Variants in CYYR1 observed in about 807,000 individuals in gnomAD.
The protein encoded by CYYR1 is cysteine and tyrosine-rich protein 1.
Under a neutral mutation model 15.2 loss-of-function variants are expected in CYYR1, and 14 were observed. That is an observed-to-expected ratio of 0.92 (90% CI 0.61 to 1.44). The LOEUF (loss-of-function observed/expected upper bound fraction) is 1.44, where lower values mean the gene tolerates loss of function less well. Ranked by LOEUF, CYYR1 falls within the 40% of genes most tolerant of loss-of-function variation. CYYR1 has a pLI of 0.00. For synonymous variants in CYYR1, 80 were observed against 77.4 expected (o/e 1.03, Z -0.18); for missense variants, 228 against 209.5 (o/e 1.09, Z -0.54).
intron 2 of CYYR1, among the ~76,000 whole-genome samples, chr21:26,549,089 A>T (rs1979189172): frequency 4.6e-5 from 7 of 152,198 alleles, no homozygotes. Context: ...CCTTTAAATC[A>T]GACCGTTGAC....
intron 3 of CYYR1, among the ~76,000 whole-genome samples, chr21:26,477,044 G>T (rs950562978): frequency 1.3e-5 from 2 of 152,246 alleles, no homozygotes. Flanking sequence ...ACAGCTGAAT[G>T]ACACTGTTTT....
intron 2 of CYYR1, among the ~76,000 whole-genome samples, chr21:26,563,877 AC>A (rs1335248929): frequency 1.3e-5 from 2 of 152,230 alleles, no homozygotes; most frequent in African/African-American, 4.8e-5. Flanking sequence ...AACTGAGCAA[AC>A]ATTTTTATTT....
At chr21:26,503,232 G>A (rs916829611) in intron 2 of CYYR1, among the ~76,000 whole-genome samples, 1 of 152,178 alleles carries the variant, frequency 6.6e-6, no homozygotes, top group Admixed American at 6.5e-5. Flanking sequence ...TTTGGAACCT[G>A]TTCCTGAGTG....
chr21:26,521,309 T>A (rs1053188614), intron 2 of CYYR1, among the ~76,000 whole-genome samples: 1 of 152,224 alleles, frequency 6.6e-6, no homozygotes, highest in Non-Finnish European at 1.5e-5. Flanking sequence ...GGTTTCCCCA[T>A]CAAATAACCC....
intron 2 of CYYR1, among the ~76,000 whole-genome samples, chr21:26,540,813 T>C (rs917607825): frequency 5.3e-5 from 8 of 152,166 alleles, no homozygotes; most frequent in Admixed American, 2.0e-4. Flanking sequence ...AAACTGATCC[T>C]GAAATGAACC....
In CYYR1 at chr21:26,467,196, A is replaced by G. The variant is rs548334428; in HGVS notation, c.*1305T>C. 6.6e-6 allele frequency: 1 copy of G among 152,312 alleles called. No homozygotes were observed. Among genetic ancestry groups the G allele is most frequent in the East Asian group, 1.9e-4 (1 of 5,186 alleles). The allele number at this position is 152,312 out of a possible 1,614,324, so 9.4% of individuals were successfully genotyped here. Reference sequence around the variant, plus strand: ...TAATCATCTATTTCCAATGTTCAATATACAATTTTTATAAATACATGAAAC... The same window carrying G: ...TAATCATCTATTTCCAATGTTCAATGTACAATTTTTATAAATACATGAAAC... On this transcript the variant is annotated 3_prime_UTR_variant, in exon 4 of 4. Coordinates refer to ENST00000652641, the MANE Select transcript of CYYR1 (RefSeq NM_001320768.2).
chr21:26,488,256 C>A (rs1003220906), intron 2 of CYYR1, among the ~76,000 whole-genome samples: 2 of 151,172 alleles, frequency 1.3e-5, no homozygotes, highest in Non-Finnish European at 1.5e-5. Context: ...TTCCTTCCTT[C>A]CTTCCTTCCT....
intron 2 of CYYR1, among the ~76,000 whole-genome samples, chr21:26,549,580 C>T (rs895237487): frequency 2.6e-5 from 4 of 152,108 alleles, no homozygotes; most frequent in African/African-American, 9.7e-5. Flanking sequence ...CTACAGGGCA[C>T]ATTCTGTATG....
At chr21:26,515,692 C>T (rs1411393628) in intron 2 of CYYR1, among the ~76,000 whole-genome samples, 1 of 152,114 alleles carries the variant, frequency 6.6e-6, no homozygotes, top group African/African-American at 2.4e-5. Flanking sequence ...TATGCTTGAT[C>T]TGAAATAATA....
chr21:26,509,744 C>A (rs753287759), intron 2 of CYYR1, among the ~76,000 whole-genome samples: 1 of 152,114 alleles, frequency 6.6e-6, no homozygotes, highest in African/African-American at 2.4e-5. Context: ...TGTTTGCTAC[C>A]GAGGATCTCA....
chr21:26,480,277 T>C lies in CYYR1; in HGVS notation c.329A>G (p.Tyr110Cys), dbSNP rs2065157116. ...GAGTCAACAGTTTTGCTCACCAGGA[T>C]AGGAGGAGACGGTGTTGATGTGAGT... Reference protein sequence around the residue: ...RTTHINTVSSYPAGPPPYGHD... With the variant: ...RTTHINTVSSCPAGPPPYGHD... Residue 110 changes from tyrosine (Y) to cysteine (C), a missense_variant, in exon 3 of 4, where the codon TAT (tyrosine) becomes TGT (cysteine). Transcript: ENST00000652641. The C allele has an allele frequency of 6.2e-7, 1 of 1,609,796 alleles. No individual in the cohort carries two copies. Among genetic ancestry groups the C allele is most frequent in the Admixed American group, 1.7e-5 (1 of 59,142 alleles).
At chr21:26,493,214 G>A (rs1322737323) in intron 2 of CYYR1, among the ~76,000 whole-genome samples, 2 of 152,136 alleles carry the variant, frequency 1.3e-5, no homozygotes, top group African/African-American at 2.4e-5. Flanking sequence ...TTCTGGATAA[G>A]GAACGTCTTT....
chr21:26,537,741 T>A (rs1007594303), intron 2 of CYYR1, among the ~76,000 whole-genome samples: 4 of 152,098 alleles, frequency 2.6e-5, no homozygotes, highest in African/African-American at 9.7e-5. Flanking sequence ...GTCCGAATAT[T>A]TGGGTCCCCT....
At chr21:26,543,830 C>A (rs919601300) in intron 2 of CYYR1, among the ~76,000 whole-genome samples, 3 of 151,992 alleles carry the variant, frequency 2.0e-5, no homozygotes, top group African/African-American at 7.3e-5. Context: ...TGCTTGAACC[C>A]GGGAGGCGGA....
At chr21:26,571,188 G>C (rs1274789629) in intron 1 of CYYR1, among the ~76,000 whole-genome samples, 1 of 152,178 alleles carries the variant, frequency 6.6e-6, no homozygotes, top group Non-Finnish European at 1.5e-5. Context: ...CACTCAGTAA[G>C]TAATAGTTGA....
chr21:26,482,504 C>T, intron 2 of CYYR1: 5 of 985,306 alleles, frequency 5.1e-6, no homozygotes, highest in Non-Finnish European at 6.0e-6. Flanking sequence ...TTTGCTGGTC[C>T]TCACATTTAG....
chr21:26,552,071 A>G (rs1213888913), intron 2 of CYYR1: 1 of 152,288 alleles, frequency 6.6e-6, no homozygotes, highest in Non-Finnish European at 1.5e-5. Context: ...CAAAAAAATT[A>G]CAACAACTTG....
intron 2 of CYYR1, among the ~76,000 whole-genome samples, chr21:26,505,018 G>C (rs2065535787): frequency 6.6e-6 from 1 of 152,200 alleles, no homozygotes; most frequent in African/African-American, 2.4e-5. Flanking sequence ...TGTTTAAGAA[G>C]TTAGGAACAT....
chr21:26,553,480 TAGAC>T (rs111974306), intron 2 of CYYR1, among the ~76,000 whole-genome samples: 2,485 of 152,306 alleles, frequency 0.016, 27 homozygotes, highest in Middle Eastern at 0.037. Context: ...CTTGCTTACT[TAGAC>T]AGAACTAGAG....
Sources: allele counts gnomAD v4.1 joint callset (sites outside exome capture counted in the v4.1 genomes callset), GRCh38; gene constraint gnomAD v4.1.1; transcripts MANE v1.5; gene names NCBI Gene and HGNC (gene_info 2026-07-23, HGNC 2026-07-21).